The following GNB4 variants were observed in gnomAD, a reference collection of about 807,000 sequenced individuals.
GNB4 encodes guanine nucleotide-binding protein subunit beta-4.
GNB4 carries 28 observed loss-of-function variants against 45.2 expected under a neutral mutation model. That is an observed-to-expected ratio of 0.62 (90% CI 0.46 to 0.85). The LOEUF is 0.85. Ranked by LOEUF, GNB4 falls within the 40% of genes least tolerant of loss-of-function variation. GNB4 has a pLI of 0.00. For synonymous variants in GNB4, 132 were observed against 143.7 expected (o/e 0.92, Z 0.58); for missense variants, 321 against 425.4 (o/e 0.75, Z 2.16).
intron 8 of GNB4, among the ~76,000 whole-genome samples, chr3:179,412,130 G>A (rs1714669581): frequency 6.6e-6 from 1 of 151,904 alleles, no homozygotes; most frequent in Non-Finnish European, 1.5e-5. Context: ...TCTATTTATG[G>A]TTTTCTGTTT....
chr3:179,432,153 G>A (rs1715327184), intron 1 of GNB4, among the ~76,000 whole-genome samples: 1 of 152,144 alleles, frequency 6.6e-6, no homozygotes, highest in South Asian at 2.1e-4. Flanking sequence ...CAGGCATGAT[G>A]GAAAGGGAGC....
the GNB4 span, among the ~76,000 whole-genome samples, chr3:179,525,086 A>G: frequency 6.6e-6 from 1 of 152,168 alleles, no homozygotes; most frequent in East Asian, 1.9e-4. Flanking sequence ...AGGAACAGAC[A>G]GGAGAGAAAG....
intron 1 of GNB4, among the ~76,000 whole-genome samples, chr3:179,450,384 G>A (rs1337138564): frequency 6.6e-6 from 1 of 152,134 alleles, no homozygotes; most frequent in East Asian, 1.9e-4. Context: ...TTCTGTCTCT[G>A]TCCTAGAAGA....
upstream of GNB4, among the ~76,000 whole-genome samples, chr3:179,456,175 A>G (rs1046839153): frequency 5.4e-5 from 8 of 149,450 alleles, no homozygotes; most frequent in African/African-American, 2.0e-4. Context: ...GCAGTGGCGC[A>G]ATCTCAGCTC....
chr3:179,412,095 A>T (rs1204767795), intron 8 of GNB4, among the ~76,000 whole-genome samples: 2 of 152,130 alleles, frequency 1.3e-5, no homozygotes, highest in Non-Finnish European at 2.9e-5. Context: ...CCTCCTATAT[A>T]CTGAGTACTT....
At chr3:179,461,837 A>C in the GNB4 span, among the ~76,000 whole-genome samples, 2 of 152,214 alleles carry the variant, frequency 1.3e-5, no homozygotes, top group African/African-American at 4.8e-5. Context: ...GAGAATCTTA[A>C]ACATAGAACA....
At chr3:179,520,016 GT>G in the GNB4 span, among the ~76,000 whole-genome samples, 1 of 152,120 alleles carries the variant, frequency 6.6e-6, no homozygotes, top group African/African-American at 2.4e-5. Flanking sequence ...CAACCAAATT[GT>G]TTTTTGCCTA....
chr3:179,436,014 AT>A (rs560235551), intron 1 of GNB4, among the ~76,000 whole-genome samples: 97 of 152,356 alleles, frequency 6.4e-4, no homozygotes, highest in African/African-American at 2.2e-3. Context: ...AGACAAAAAA[AT>A]ACAAGTATTT....
At chr3:179,438,267 A>G (rs1352516724) in intron 1 of GNB4, among the ~76,000 whole-genome samples, 1 of 152,232 alleles carries the variant, frequency 6.6e-6, no homozygotes. Context: ...ACAGACGAGG[A>G]AACTTTACAC....
the GNB4 span, among the ~76,000 whole-genome samples, chr3:179,486,683 A>G: frequency 3.9e-5 from 6 of 152,192 alleles, no homozygotes; most frequent in Non-Finnish European, 8.8e-5. Flanking sequence ...AAGCCCAAAG[A>G]GAGAATCTGA....
chr3:179,454,447 T>A (rs1715948281), upstream of GNB4, among the ~76,000 whole-genome samples: 1 of 152,088 alleles, frequency 6.6e-6, no homozygotes. Flanking sequence ...GAGGAGAAAG[T>A]GGTCATTGCT....
chr3:179,525,667 G>A, the GNB4 span, among the ~76,000 whole-genome samples: 6 of 152,210 alleles, frequency 3.9e-5, no homozygotes, highest in Non-Finnish European at 7.4e-5. Context: ...CTGTCTTCCC[G>A]AGTCCATGAC....
chr3:179,477,769 C>T, the GNB4 span, among the ~76,000 whole-genome samples: 2 of 152,160 alleles, frequency 1.3e-5, no homozygotes, highest in Non-Finnish European at 2.9e-5. Context: ...GGGTCTTCCT[C>T]TGAGCCCTCA....
At chr3:179,511,225 C>T in the GNB4 span, among the ~76,000 whole-genome samples, 25 of 152,194 alleles carry the variant, frequency 1.6e-4, no homozygotes, top group African/African-American at 3.1e-4. Context: ...CTTTGCCACA[C>T]GGCTCCCCAT....
chr3:179,520,074 T>C, the GNB4 span, among the ~76,000 whole-genome samples: 6 of 152,178 alleles, frequency 3.9e-5, no homozygotes, highest in East Asian at 9.6e-4. Flanking sequence ...CCTCAATGCC[T>C]CCCTTCACAA....
chr3:179,484,299 G>A, the GNB4 span, among the ~76,000 whole-genome samples: 7 of 152,134 alleles, frequency 4.6e-5, no homozygotes, highest in Admixed American at 2.0e-4. Flanking sequence ...ATGACCCTTC[G>A]GGTTCTGTTC....
chr3:179,432,510 C>G (rs183874715), intron 1 of GNB4, among the ~76,000 whole-genome samples: 406 of 152,180 alleles, frequency 2.7e-3, no homozygotes, highest in Non-Finnish European at 2.9e-3. Flanking sequence ...TAAGACAAAC[C>G]TAAAGGCTGA....
intron 8 of GNB4, among the ~76,000 whole-genome samples, chr3:179,406,571 A>C (rs1338292194): frequency 1.3e-5 from 2 of 151,958 alleles, no homozygotes; most frequent in Admixed American, 1.3e-4. Context: ...CCATCTTTTG[A>C]TACTCTTAAA....
At chr3:179,410,326 T>C (rs1714615841) in intron 8 of GNB4, 1 of 152,178 alleles carries the variant, frequency 6.6e-6, no homozygotes, top group Admixed American at 6.5e-5. Context: ...GCTGGTTCTC[T>C]GAGGAGATAG....
Sources: allele counts gnomAD v4.1 joint callset (sites outside exome capture counted in the v4.1 genomes callset), GRCh38; gene constraint gnomAD v4.1.1; transcripts MANE v1.5; gene names NCBI Gene and HGNC (gene_info 2026-07-23, HGNC 2026-07-21).